Variants in HS3ST5 observed in about 807,000 individuals in gnomAD.
The protein encoded by HS3ST5 is heparan sulfate-glucosamine 3-sulfotransferase 5, also known as heparan sulfate glucosamine 3-O-sulfotransferase 5.
A neutral mutation model predicts 25.4 loss-of-function variants in HS3ST5; 10 were observed. The ratio of observed to expected loss-of-function variants is 0.39; its 90% CI spans 0.24 to 0.67. The LOEUF is 0.67. Ranked by LOEUF, HS3ST5 falls within the 30% of genes least tolerant of loss-of-function variation. The pLI, the probability that HS3ST5 is intolerant of heterozygous loss-of-function variation, is 0.44. For missense variants in HS3ST5, 324 were observed against 420.7 expected, an observed-to-expected ratio of 0.77 and a Z score of 2.01; for synonymous variants, 170 against 162.4, an observed-to-expected ratio of 1.05 and a Z score of -0.36.
rs118123804 is a variant in HS3ST5 at position 114,154,381 on chromosome 6, A to G, written c.-33+13970T>C. The stretch of plus-strand genomic sequence containing the variant: ...GGTGGTAAAATTTGGATTGAGACTG[A>G]GTGTGGTGGCTCACACCTGTAATCC... On this transcript the variant is annotated intron_variant, in intron 3 of 4. Transcript: ENST00000312719. Among the ~76,000 whole-genome samples, 489 of 152,162 alleles carry G rather than the reference A, an allele frequency of 3.2e-3. 12 individuals carry two copies. In the East Asian group the frequency reaches 0.049, roughly 15 times the overall value.
At chr6:114,306,576 T>C (rs922910292) in intron 1 of HS3ST5, among the ~76,000 whole-genome samples, 2 of 152,080 alleles carry the variant, frequency 1.3e-5, no homozygotes, top group African/African-American at 2.4e-5. Context: ...TGAAGTGTTA[T>C]ACATCAATGC....
intron 1 of HS3ST5, among the ~76,000 whole-genome samples, chr6:114,231,084 C>T (rs1009774031): frequency 6.6e-6 from 1 of 152,068 alleles, no homozygotes; most frequent in Non-Finnish European, 1.5e-5. Flanking sequence ...GTGGGTTTCT[C>T]ATAAATGGTT....
intron 1 of HS3ST5, among the ~76,000 whole-genome samples, chr6:114,256,684 T>C (rs1277538382): frequency 6.6e-6 from 1 of 152,178 alleles, no homozygotes; most frequent in African/African-American, 2.4e-5. Flanking sequence ...GTCAAAGCCA[T>C]TTAACAAGTC....
At chr6:114,083,080 G>A (rs1202752205) in intron 3 of HS3ST5, among the ~76,000 whole-genome samples, 1 of 152,144 alleles carries the variant, frequency 6.6e-6, no homozygotes, top group East Asian at 1.9e-4. Context: ...TTTGCAGCAC[G>A]GAAACTTTAT....
chr6:114,115,205 G>A (rs1031560427), intron 3 of HS3ST5, among the ~76,000 whole-genome samples: 9 of 152,054 alleles, frequency 5.9e-5, no homozygotes, highest in African/African-American at 2.2e-4. Context: ...GGTGGTTGAA[G>A]GGTATGTTCA....
chr6:114,178,739 T>G (rs548752385), intron 2 of HS3ST5: 6 of 152,294 alleles, frequency 3.9e-5, no homozygotes, highest in African/African-American at 1.4e-4. Flanking sequence ...CTGTTTAGGC[T>G]AAGGAAGCTG....
intron 3 of HS3ST5, among the ~76,000 whole-genome samples, chr6:114,114,147 T>C (rs182197589): frequency 9.2e-5 from 14 of 152,246 alleles, no homozygotes; most frequent in African/African-American, 3.1e-4. Flanking sequence ...ATAACCTGGG[T>C]GGTGGAAACA....
At chr6:114,193,597 C>T (rs1780604646) in intron 2 of HS3ST5, among the ~76,000 whole-genome samples, 1 of 152,230 alleles carries the variant, frequency 6.6e-6, no homozygotes, top group African/African-American at 2.4e-5. Context: ...CCTTAATTTC[C>T]TTATCTATAT....
In HS3ST5 at chr6:114,057,772, T is replaced by C; in HGVS notation, c.526A>G (p.Ile176Val). ...PERIYKMNSS[I>V]KLLIIVREPT... ...TCCCTGACAATGATCAACAACTTGA[T>C]GGATGAGTTCATTTTGTAAATCCTT... The change falls in exon 5 of 5, where the codon ATC (isoleucine) becomes GTC (valine). Residue 176 changes from isoleucine to valine, a missense_variant. Transcript: ENST00000312719. 6.2e-7 allele frequency: 1 copy of C among 1,614,232 alleles called. No individual in the cohort carries two copies. The highest frequency in any genetic ancestry group is 1.1e-5 in the South Asian group (1 of 91,084).
chr6:114,283,250 A>T (rs540927469), intron 1 of HS3ST5, among the ~76,000 whole-genome samples: 4 of 151,712 alleles, frequency 2.6e-5, no homozygotes, highest in East Asian at 3.9e-4. Context: ...CTTTATTCTA[A>T]TTTTTTAGGT....
chr6:114,200,980 G>T (rs1048096752), intron 2 of HS3ST5, among the ~76,000 whole-genome samples: 1 of 152,126 alleles, frequency 6.6e-6, no homozygotes, highest in African/African-American at 2.4e-5. Flanking sequence ...AGGCAAGCAG[G>T]CTTAACTCTA....
intron 1 of HS3ST5, among the ~76,000 whole-genome samples, chr6:114,240,467 G>A (rs1442440020): frequency 6.6e-6 from 1 of 152,102 alleles, no homozygotes; most frequent in Admixed American, 6.5e-5. Flanking sequence ...GAGAGGAGAG[G>A]AGCTATCTGG....
chr6:114,239,775 G>T (rs758132443), intron 1 of HS3ST5, among the ~76,000 whole-genome samples: 2 of 152,116 alleles, frequency 1.3e-5, no homozygotes, highest in Non-Finnish European at 2.9e-5. Context: ...TTTCTGTTTG[G>T]AGGGGCTTAA....
At chr6:114,122,649 A>G (rs1776848912) in intron 3 of HS3ST5, among the ~76,000 whole-genome samples, 1 of 152,188 alleles carries the variant, frequency 6.6e-6, no homozygotes, top group African/African-American at 2.4e-5. Context: ...TGTGAAACCT[A>G]CCCTTCTGTT....
At chr6:114,116,817 CT>C (rs1357639971) in intron 3 of HS3ST5, among the ~76,000 whole-genome samples, 1 of 152,054 alleles carries the variant, frequency 6.6e-6, no homozygotes, top group Admixed American at 6.6e-5. Context: ...GCTGCCCTTC[CT>C]TTTGGGTTTG....
chr6:114,055,805 A>T lies in HS3ST5; in HGVS notation c.*1452T>A, dbSNP rs1772746428. 6.6e-6 allele frequency: 1 copy of T among 152,162 alleles called. No homozygotes were observed. Among genetic ancestry groups the T allele is most frequent in the South Asian group, 2.1e-4 (1 of 4,826 alleles). The allele number at this position is 152,162 out of a possible 1,614,324, so 9.4% of individuals were successfully genotyped here. A position where few individuals can be genotyped will look rare whatever the true frequency, so the allele number is the denominator to read the frequency against. ...CAACTGTGATTGTGAGAAAAAAAAA[A>T]TCCATCTTTTTGTTGTCGTTGTTAA... On this transcript the variant is annotated 3_prime_UTR_variant, in exon 5 of 5. Coordinates refer to ENST00000312719, the MANE Select transcript of HS3ST5 (RefSeq NM_153612.4).
intron 1 of HS3ST5, among the ~76,000 whole-genome samples, chr6:114,264,337 C>T (rs1284505654): frequency 6.6e-6 from 1 of 152,128 alleles, no homozygotes; most frequent in African/African-American, 2.4e-5. Context: ...AAAGTCGTAA[C>T]ATTGTGGAAA....
intron 3 of HS3ST5, among the ~76,000 whole-genome samples, chr6:114,079,095 G>T (rs974065457): frequency 6.6e-6 from 1 of 152,174 alleles, no homozygotes. Flanking sequence ...TGTTGATGGA[G>T]GGTCTTGCTT....
intron 1 of HS3ST5, among the ~76,000 whole-genome samples, chr6:114,256,958 G>A (rs1274382075): frequency 2.0e-5 from 3 of 152,198 alleles, no homozygotes; most frequent in African/African-American, 4.8e-5. Context: ...TCGCAATCAT[G>A]GCAGAAGGCA....
Sources: allele counts gnomAD v4.1 joint callset (sites outside exome capture counted in the v4.1 genomes callset), GRCh38; gene constraint gnomAD v4.1.1; transcripts MANE v1.5; gene names NCBI Gene and HGNC (gene_info 2026-07-23, HGNC 2026-07-21).